TCF3: variants seen among roughly 807,000 people sequenced by gnomAD.
The protein encoded by TCF3 is transcription factor E2-alpha.
Under a neutral mutation model 72.3 loss-of-function variants are expected in TCF3, and 54 were observed. The observed-to-expected ratio is 0.75, with a 90% confidence interval of 0.60 to 0.94. The LOEUF (loss-of-function observed/expected upper bound fraction) is 0.94, where lower values mean the gene tolerates loss of function less well. Ranked by LOEUF, TCF3 falls within the 40% of genes least tolerant of loss-of-function variation. The pLI is 0.00. For synonymous variants in TCF3, 525 were observed against 412.6 expected (o/e 1.27, Z -3.30); for missense variants, 1,078 against 934.4 (o/e 1.15, Z -2.00).
At position 1,614,505 on chromosome 19, in the gene TCF3, T is replaced by G. The variant is rs935957964; in HGVS notation, c.1822+780A>C. Among the ~76,000 whole-genome samples the G allele has an allele frequency of 4.0e-5, 6 of 151,878 alleles. No individual in the cohort carries two copies. Among genetic ancestry groups the G allele is most frequent in the Admixed American group, 1.3e-4 (2 of 15,256 alleles). ...GAAGGCAGACAGCAGAGAGGCGGGC[T>G]TGGGGGGCGCGAGGCGTGCCACACA... On this transcript the variant is annotated intron_variant, in intron 18 of 18. Transcript: ENST00000262965. The surrounding 1 kb of genome is among the most constrained non-coding windows in gnomAD (Gnocchi z 5.6).
intron 16 of TCF3, 95 bp downstream of exon 16, chr19:1,619,016 C>G (rs1475554962): frequency 2.5e-6 from 4 of 1,571,034 alleles, no homozygotes; most frequent in Non-Finnish European, 3.4e-6. Flanking sequence ...ACGGTGACAC[C>G]TGCCCTGGGC....
intron 6 of TCF3, among the ~76,000 whole-genome samples, chr19:1,626,419 C>T (rs1568399988): frequency 6.6e-6 from 1 of 151,764 alleles, no homozygotes; most frequent in Non-Finnish European, 1.5e-5. Flanking sequence ...CATTGAACTC[C>T]AGCCTGGGCC....
rs750330049 is a variant in TCF3, at chr19:1,624,008, A to AAGG, written c.500-9_500-8insCCT. ...CCTTCTTGGGCTGCGTGTCTGTTAG[A>AAGG]AGCAAAAGGGGTGAGAACCGGCCAC... On this transcript the variant is annotated splice_polypyrimidine_tract_variant and intron_variant, in intron 7 of 18. Coordinates refer to ENST00000262965, the MANE Select transcript of TCF3 (RefSeq NM_003200.5). 11 of 1,612,788 alleles carry AAGG rather than the reference A, an allele frequency of 6.8e-6. No homozygotes were observed. In the African/African-American group the frequency reaches 1.5e-4, roughly 22 times the overall value.
At chr19:1,630,083 G>C (rs1405143957) in intron 5 of TCF3, among the ~76,000 whole-genome samples, 1 of 152,244 alleles carries the variant, frequency 6.6e-6, no homozygotes, top group Non-Finnish European at 1.5e-5. Flanking sequence ...CCCCACCCGT[G>C]GGGGTGGCAG....
chr19:1,649,676 G>C (rs893905355), intron 2 of TCF3, among the ~76,000 whole-genome samples: 10 of 152,188 alleles, frequency 6.6e-5, no homozygotes, highest in African/African-American at 2.2e-4. Flanking sequence ...TCCCGCCTCA[G>C]CCTCCCAAAG....
intron 3 of TCF3, among the ~76,000 whole-genome samples, chr19:1,636,021 G>T (rs915317205): frequency 6.6e-6 from 1 of 152,134 alleles, no homozygotes; most frequent in African/African-American, 2.4e-5. Flanking sequence ...CTGTCCCACC[G>T]CCCTGCCTGG....
chr19:1,615,337 G>T lies in TCF3; in HGVS notation c.1770C>A (p.Leu590=). ...TGACCGAGACAGCCTGGTGCAGGAT[G>T]AGCAGTTTGGTCTGGGGCTTCTCGC... The part of the protein sequence containing the change: ...LNSEKPQTKL[L]ILHQAVSVIL... Residue 590 remains leucine, a synonymous_variant, in exon 18 of 19, where the codon CTC becomes CTA. Coordinates refer to ENST00000262965, the MANE Select transcript of TCF3 (RefSeq NM_003200.5). This position sits in a 1 kb window ranked among gnomAD's most constrained non-coding sequence, Gnocchi z 7.3. 2 of 1,612,360 alleles carry T rather than the reference G, an allele frequency of 1.2e-6. No homozygotes were observed. The highest frequency in any genetic ancestry group is 1.7e-4 in the Middle Eastern group (1 of 6,052).
rs780098396 is a variant in TCF3 at position 1,622,074 on chromosome 19, G to A, written c.802C>T (p.Leu268=). The A allele has an allele frequency of 8.7e-6, 14 of 1,606,618 alleles. No homozygotes were observed. In the Admixed American group the frequency reaches 1.2e-4, roughly 14 times the overall value. The change falls in exon 10 of 19, where the codon CTG becomes TTG. Residue 268 remains leucine, a synonymous_variant. Transcript: ENST00000262965. Reference sequence around the variant, plus strand: ...CCTACCATACGCTCGTGCTGGTGCAGGCCACCAAACGTGCTGCTGCTTCCA... The same window carrying A: ...CCTACCATACGCTCGTGCTGGTGCAAGCCACCAAACGTGCTGCTGCTTCCA... The part of the protein sequence containing the change: ...SSGSSSTFGG[L]HQHERMGYQL...
At chr19:1,621,785 G>A in intron 11 of TCF3, 53 bp downstream of exon 11, 4 of 1,509,100 alleles carry the variant, frequency 2.7e-6, no homozygotes, top group Non-Finnish European at 3.5e-6. Context: ...CCCAGACCCT[G>A]CCTGGAGCCC....
intron 5 of TCF3, among the ~76,000 whole-genome samples, chr19:1,629,185 C>A (rs1462534901): frequency 6.6e-6 from 1 of 151,964 alleles, no homozygotes; most frequent in Non-Finnish European, 1.5e-5. Context: ...TCCTGAGCCT[C>A]AGTTTCCTCT....
chr19:1,615,205 G>T lies in TCF3; in HGVS notation c.1822+80C>A. On this transcript the variant is annotated intron_variant, in intron 18 of 18. Coordinates refer to ENST00000262965, the MANE Select transcript of TCF3 (RefSeq NM_003200.5). The surrounding 1 kb of genome is among the most constrained non-coding windows in gnomAD (Gnocchi z 7.3). ...GAGGGAGGGCTGGCTCCAGGAAGGCGGGCGGGGAAGGAGAACGAGGGCAGG... is the reference window on the plus strand; with the variant it reads ...GAGGGAGGGCTGGCTCCAGGAAGGCTGGCGGGGAAGGAGAACGAGGGCAGG... 1 of 1,481,468 alleles carries T rather than the reference G, an allele frequency of 6.8e-7. No individual in the cohort carries two copies. The highest frequency in any genetic ancestry group is 2.3e-5 in the Admixed American group (1 of 43,820). 91.8% of individuals were successfully genotyped at this position (1,481,468 alleles called of 1,614,324 possible).
chr19:1,625,766 C>T (rs556151084), intron 6 of TCF3, 58 bp from the exon 7 acceptor site: 2 of 1,435,024 alleles, frequency 1.4e-6, no homozygotes, highest in African/African-American at 1.5e-5. Context: ...CCAGGCTGTT[C>T]CATTCAAGAA....
intron 6 of TCF3, among the ~76,000 whole-genome samples, chr19:1,626,259 T>A (rs532715631): frequency 6.6e-6 from 1 of 152,158 alleles, no homozygotes; most frequent in Non-Finnish European, 1.5e-5. Context: ...AAGACCAGCC[T>A]GACCAACATG....
intron 14 of TCF3, 27 bp from the exon 15 acceptor site, chr19:1,619,501 G>A (rs1232734960): frequency 1.3e-6 from 2 of 1,556,318 alleles, no homozygotes; most frequent in Admixed American, 1.8e-5. Context: ...TGGGTGGTGA[G>A]GGGCCCAAGC....
chr19:1,634,207 A>T (rs1294653702), intron 3 of TCF3, among the ~76,000 whole-genome samples: 1 of 152,264 alleles, frequency 6.6e-6, no homozygotes, highest in East Asian at 1.9e-4. Context: ...TAATACAGTT[A>T]TTAAAATCCC....
Position 1,623,944 on chromosome 19 carries a change from G to A in TCF3, c.549+7C>T, listed in dbSNP as rs747579840. On this transcript the variant is annotated splice_region_variant and intron_variant, in intron 8 of 18. Transcript: ENST00000262965. ...CTGTGGGGTCCCTTCTCCCTCGTGC[G>A]ACTCACCGAGGATGGAAGACCCGGC... The A allele has an allele frequency of 2.2e-5, 35 of 1,613,048 alleles. No individual in the cohort carries two copies. The highest frequency in any genetic ancestry group is 2.6e-5 in the Non-Finnish European group (31 of 1,179,780).
chr19:1,638,274 C>G (rs374640915), intron 3 of TCF3, among the ~76,000 whole-genome samples: 1 of 152,216 alleles, frequency 6.6e-6, no homozygotes, highest in Non-Finnish European at 1.5e-5. Context: ...TGCTCAAGCC[C>G]TCACAGTAAG....
At position 1,615,235 on chromosome 19, in the gene TCF3, C is replaced by A; in HGVS notation, c.1822+50G>T. 1 of 1,528,790 alleles carries A rather than the reference C, an allele frequency of 6.5e-7. No homozygotes were observed. Among genetic ancestry groups the A allele is most frequent in the Non-Finnish European group, 8.8e-7 (1 of 1,138,486 alleles). 94.7% of individuals were successfully genotyped at this position (1,528,790 alleles called of 1,614,324 possible). ...GGGAAGGAGAACGAGGGCAGGAACA[C>A]GAGGGAGGGTGGCGCTGCAGGGACG... On this transcript the variant is annotated intron_variant, in intron 18 of 18. Transcript: ENST00000262965. The surrounding 1 kb of genome is among the most constrained non-coding windows in gnomAD (Gnocchi z 7.3).
intron 5 of TCF3, 167 bp downstream of exon 5, chr19:1,631,871 C>T: frequency 6.6e-7 from 1 of 1,513,274 alleles, no homozygotes; most frequent in East Asian, 2.5e-5. Flanking sequence ...GCCACGTCCC[C>T]TGCACCTCCC....
Sources: allele counts gnomAD v4.1 joint callset (sites outside exome capture counted in the v4.1 genomes callset), GRCh38; gene constraint gnomAD v4.1.1; non-coding constraint Gnocchi (gnomAD v3.1); transcripts MANE v1.5; gene names NCBI Gene and HGNC (gene_info 2026-07-23, HGNC 2026-07-21).